The following LYRM1 variants were observed in gnomAD, a reference collection of about 807,000 sequenced individuals.
The protein encoded by LYRM1 is LYR motif containing 1.
In LYRM1, 14 loss-of-function variants were observed where a neutral mutation model predicts 14.9. That is an observed-to-expected ratio of 0.94 (90% CI 0.62 to 1.47). The LOEUF (loss-of-function observed/expected upper bound fraction) is 1.47. Ranked by LOEUF, LYRM1 falls within the 40% of genes most tolerant of loss-of-function variation. LYRM1 has a pLI of 0.00. For synonymous variants in LYRM1, 43 were observed against 56.2 expected (o/e 0.77, Z 1.05); for missense variants, 153 against 149.9 (o/e 1.02, Z -0.11).
chr16:20,917,742 A>G (rs2082979692), intron 2 of LYRM1, among the ~76,000 whole-genome samples: 1 of 152,206 alleles, frequency 6.6e-6, no homozygotes. Context: ...TGGGCAACAG[A>G]GGAAGACTCT....
intron 3 of LYRM1, among the ~76,000 whole-genome samples, chr16:20,922,691 T>C (rs1262059440): frequency 6.6e-6 from 1 of 152,182 alleles, no homozygotes; most frequent in African/African-American, 2.4e-5. Flanking sequence ...GGTTTCACTA[T>C]GTTGGCCAGG....
intron 1 of LYRM1, among the ~76,000 whole-genome samples, chr16:20,903,800 G>A (rs2082181341): frequency 6.6e-6 from 1 of 151,484 alleles, no homozygotes; most frequent in African/African-American, 2.4e-5. Flanking sequence ...CAAGGGTCAG[G>A]TGCTAGAAAG....
intron 2 of LYRM1, among the ~76,000 whole-genome samples, chr16:20,917,053 TAAA>T (rs748728602): frequency 1.2e-4 from 15 of 122,874 alleles, no homozygotes; most frequent in Non-Finnish European, 7.1e-5. Context: ...CCCTGTCTCT[TAAA>T]AAAAAAAAAA....
chr16:20,911,248 ACGT>A (rs1320653158), intron 1 of LYRM1: 2 of 152,172 alleles, frequency 1.3e-5, no homozygotes, highest in Non-Finnish European at 2.9e-5. Context: ...ACCTCAAGAA[ACGT>A]CATCAGGGTC....
chr16:20,907,291 C>A (rs988539986), intron 1 of LYRM1, among the ~76,000 whole-genome samples: 7 of 152,228 alleles, frequency 4.6e-5, no homozygotes, highest in Non-Finnish European at 8.8e-5. Context: ...AGGCCTACCC[C>A]CAACCTGTGC....
intron 3 of LYRM1, among the ~76,000 whole-genome samples, chr16:20,923,036 C>A (rs1446871362): frequency 1.3e-5 from 2 of 152,170 alleles, no homozygotes; most frequent in East Asian, 1.9e-4. Flanking sequence ...CCTGTTTGTT[C>A]TATTCAGGCC....
chr16:20,912,028 G>A (rs761437445), intron 1 of LYRM1, among the ~76,000 whole-genome samples: 30 of 151,522 alleles, frequency 2.0e-4, no homozygotes, highest in Non-Finnish European at 3.1e-4. Context: ...TTAGCCTCCC[G>A]GGCTCATACG....
rs374963015 is a variant in LYRM1 at position 20,912,270 on chromosome 16, G to T, written c.1-3286G>T. ...AATAAATTTTTGTTGGTATTTTTGG[G>T]TTTTTTTTGTTTTTTTTGAGATGGA... On this transcript the variant is annotated intron_variant, in intron 1 of 3. Coordinates refer to ENST00000567954, the MANE Select transcript of LYRM1 (RefSeq NM_001128302.3). 8.9e-4 allele frequency among the ~76,000 whole-genome samples: 131 copies of T among 146,434 alleles called. 1 individual carries two copies. Among genetic ancestry groups the T allele is most frequent in the African/African-American group, 1.7e-3 (66 of 39,470 alleles).
chr16:20,905,117 C>T (rs572696687), intron 1 of LYRM1, among the ~76,000 whole-genome samples: 1 of 152,300 alleles, frequency 6.6e-6, no homozygotes, highest in East Asian at 1.9e-4. Flanking sequence ...CACCAACAGG[C>T]CACACATTTC....
intron 1 of LYRM1, among the ~76,000 whole-genome samples, chr16:20,914,837 G>A (rs1325774106): frequency 1.3e-5 from 2 of 152,164 alleles, no homozygotes; most frequent in African/African-American, 4.8e-5. Context: ...TACCTGCCAG[G>A]CCGCAGAGGC....
At position 20,924,055 on chromosome 16, in the gene LYRM1, A is replaced by C. The variant is rs1473590349; in HGVS notation, c.308A>C (p.Gln103Pro). 1.2e-6 allele frequency: 2 copies of C among 1,613,694 alleles called. No homozygotes were observed. The highest frequency in any genetic ancestry group is 1.7e-6 in the Non-Finnish European group (2 of 1,179,778). Residue 103 changes from glutamine to proline, a missense_variant, in exon 4 of 4, where the codon CAA (glutamine) becomes CCA (proline). Coordinates refer to ENST00000567954, the MANE Select transcript of LYRM1 (RefSeq NM_001128302.3). ...CTCCGAGGCCGGGGACTTCGAAGCC[A>C]AGAGAAACTGAGGAAACTTTCCAAA... is the stretch of plus-strand genomic sequence containing the variant. ...TPLRGRGLRS[Q>P]EKLRKLSKPV...
chr16:20,908,018 G>A (rs1208321992), intron 1 of LYRM1, among the ~76,000 whole-genome samples: 1 of 152,178 alleles, frequency 6.6e-6, no homozygotes, highest in Admixed American at 6.5e-5. Flanking sequence ...TTGAGTGAGT[G>A]GATGGATGGA....
In LYRM1 at chr16:20,916,293, G is replaced by A. The variant is rs145619326; in HGVS notation, c.159+579G>A. 5.7e-3 allele frequency among the ~76,000 whole-genome samples: 872 copies of A among 152,116 alleles called. 5 individuals are homozygous for A. The highest frequency in any genetic ancestry group is 0.027 in the Middle Eastern group (8 of 294). ...TTAAGGGAACTGCACACACAGCAGG[G>A]AGCCAGATTGGACCACCCCCCTACA... On this transcript the variant is annotated intron_variant, in intron 2 of 3. Coordinates refer to ENST00000567954, the MANE Select transcript of LYRM1 (RefSeq NM_001128302.3).
chr16:20,907,307 T>C (rs1449234513), intron 1 of LYRM1, among the ~76,000 whole-genome samples: 2 of 152,192 alleles, frequency 1.3e-5, no homozygotes, highest in African/African-American at 4.8e-5. Flanking sequence ...TGTGCTGGAT[T>C]CTGTGGACCT....
chr16:20,902,034 C>G (rs115643597), intron 1 of LYRM1, among the ~76,000 whole-genome samples: 40 of 152,286 alleles, frequency 2.6e-4, no homozygotes, highest in African/African-American at 8.4e-4. Context: ...TCGCTTGAAC[C>G]CGGGAGGTGG....
At chr16:20,909,871 T>C (rs1176246160) in intron 1 of LYRM1, among the ~76,000 whole-genome samples, 1 of 152,178 alleles carries the variant, frequency 6.6e-6, no homozygotes, top group African/African-American at 2.4e-5. Context: ...GTGCTGAGAA[T>C]TCAGCAGTAA....
In LYRM1 at chr16:20,924,042, G is replaced by A. The variant is rs746677695; in HGVS notation, c.295G>A (p.Gly99Arg). ...GGGCCTTACCCCACTCCGAGGCCGG[G>A]GACTTCGAAGCCAAGAGAAACTGAG... ...PMGLTPLRGR[G>R]LRSQEKLRKL... The change falls in exon 4 of 4, where the codon GGA (glycine) becomes AGA (arginine). Residue 99 changes from glycine to arginine, a missense_variant. By Grantham distance (125) the Gly-to-Arg change is moderately radical (BLOSUM62 -2). Transcript: ENST00000567954. 2 of 1,613,524 alleles carry A rather than the reference G, an allele frequency of 1.2e-6. No individual in the cohort carries two copies. The highest frequency in any genetic ancestry group is 4.5e-5 in the East Asian group (2 of 44,874).
intron 2 of LYRM1, among the ~76,000 whole-genome samples, chr16:20,916,313 C>A (rs186093242): frequency 5.3e-5 from 8 of 152,246 alleles, no homozygotes; most frequent in Non-Finnish European, 2.9e-5. Context: ...GGACCACCCC[C>A]CTACAAACCC....
intron 1 of LYRM1, among the ~76,000 whole-genome samples, chr16:20,904,983 C>T (rs1409366257): frequency 1.3e-5 from 2 of 152,066 alleles, no homozygotes; most frequent in Non-Finnish European, 2.9e-5. Context: ...TGAAGATAAG[C>T]GGTGCTTCCA....
Sources: gnomAD v4.1 joint callset for allele counts (sites outside exome capture counted in the v4.1 genomes callset) on GRCh38, gnomAD v4.1.1 for gene constraint, MANE v1.5 for transcripts, NCBI Gene and HGNC (gene_info 2026-07-23, HGNC 2026-07-21) for gene names.